The following RICTOR variants were observed in gnomAD, a reference collection of about 807,000 sequenced individuals.
RICTOR encodes the protein RPTOR independent companion of MTOR complex 2.
Under a neutral mutation model 214.9 loss-of-function variants are expected in RICTOR, and 49 were observed. That is an observed-to-expected ratio of 0.23 (90% CI 0.18 to 0.29). RICTOR has a LOEUF of 0.29. Among genes scored for constraint, RICTOR ranks in the 10% least tolerant of loss-of-function variants. RICTOR has a pLI of 1.00. For synonymous variants in RICTOR, 717 were observed against 711.3 expected, an observed-to-expected ratio of 1.01 and a Z score of -0.13; for missense variants, 1,625 against 2,047.0, an observed-to-expected ratio of 0.79 and a Z score of 3.98.
intron 3 of RICTOR, among the ~76,000 whole-genome samples, chr5:39,016,334 G>T (rs550923698): frequency 6.7e-6 from 1 of 148,516 alleles, no homozygotes; most frequent in South Asian, 2.2e-4. Flanking sequence ...AACAGAGAAG[G>T]GGGGAGAGGG....
chr5:38,958,667 C>G lies in RICTOR; in HGVS notation c.2343G>C (p.Lys781Asn). The G allele has an allele frequency of 6.3e-7, 1 of 1,592,736 alleles. No homozygotes were observed. Among genetic ancestry groups the G allele is most frequent in the Non-Finnish European group, 8.5e-7 (1 of 1,172,168 alleles). Residue 781 changes from lysine to asparagine, a missense_variant and splice_region_variant, in exon 23 of 38, where the codon AAG (lysine) becomes AAC (asparagine). Transcript: ENST00000357387. ...TAAATTATAAAAAATGAACCTTTAC[C>G]TTGTCTTCACATGCTTCATCGAGGA... ...LDILDEACEDKANLHALIQMK... is the reference protein window; with the variant it reads ...LDILDEACEDNANLHALIQMK...
Position 38,945,527 on chromosome 5 carries a change from G to A in RICTOR, c.4597C>T (p.Pro1533Ser), listed in dbSNP as rs1748094134. 6.2e-7 allele frequency: 1 copy of A among 1,613,882 alleles called. No individual in the cohort carries two copies. The highest frequency in any genetic ancestry group is 1.3e-5 in the African/African-American group (1 of 75,028). Residue 1533 changes from proline to serine, a missense_variant, in exon 34 of 38, where the codon CCC becomes TCC. Around this residue, in one of 5 missense-constraint regions of RICTOR, gnomAD observed 1,214 missense variants for 1,470.5 expected, o/e 0.83. Coordinates refer to ENST00000357387, the MANE Select transcript of RICTOR (RefSeq NM_152756.5). ...CATATTGCACTCAGTTGGTTGCTGGGCTGGAAACCCAGAATTTCAATACAG... is the reference window on the plus strand; with the variant it reads ...CATATTGCACTCAGTTGGTTGCTGGACTGGAAACCCAGAATTTCAATACAG... ...CVCIEILGFQPSNQLSAICSH... is the reference protein window; with the variant it reads ...CVCIEILGFQSSNQLSAICSH...
chr5:38,951,895 C>A (rs1748816317), intron 30 of RICTOR, among the ~76,000 whole-genome samples: 1 of 151,810 alleles, frequency 6.6e-6, no homozygotes, highest in South Asian at 2.1e-4. Flanking sequence ...CAAATAAATA[C>A]TTGTTATATT....
intron 2 of RICTOR, among the ~76,000 whole-genome samples, chr5:39,021,871 G>A (rs1012742148): frequency 3.3e-5 from 5 of 152,196 alleles, no homozygotes; most frequent in African/African-American, 7.2e-5. Context: ...TGGCTACAGT[G>A]TAGTAAAAGG....
At chr5:38,954,007 T>C (rs1216682761) in intron 27 of RICTOR, among the ~76,000 whole-genome samples, 1 of 151,874 alleles carries the variant, frequency 6.6e-6, no homozygotes, top group Non-Finnish European at 1.5e-5. Flanking sequence ...AAATTTTTAG[T>C]GAAATTTTCA....
In RICTOR at chr5:38,940,244, G is replaced by C. The variant is rs147795288; in HGVS notation, c.*2060C>G. The C allele has an allele frequency of 4.4e-6, 1 of 225,028 alleles. No individual in the cohort carries two copies. The highest frequency in any genetic ancestry group is 8.8e-6 in the Non-Finnish European group (1 of 113,472). The allele number at this position is 225,028 out of a possible 1,614,324, so 13.9% of individuals were successfully genotyped here. A position where few individuals can be genotyped will look rare whatever the true frequency, so the allele number is the denominator to read the frequency against. On this transcript the variant is annotated 3_prime_UTR_variant, in exon 38 of 38. Transcript: ENST00000357387. The stretch of plus-strand genomic sequence containing the variant: ...CAGGGATAGTGATGGTGGGGGAGGG[G>C]GTGTGTGTGTGTGTAAGACAAAAAA...
rs1340581757 is a variant in RICTOR, at chr5:38,967,932, TCA to T, written c.1060+9_1060+10del. On this transcript the variant is annotated intron_variant, in intron 12 of 37. Coordinates refer to ENST00000357387, the MANE Select transcript of RICTOR (RefSeq NM_152756.5). ...ATATATGAAAAGATACAAATGTACT[TCA>T]ATACTTACCTACACTGAGTAGTGCT... 1 of 1,384,626 alleles carries T rather than the reference TCA, an allele frequency of 7.2e-7. No individual in the cohort carries two copies. The highest frequency in any genetic ancestry group is 1.7e-5 in the Admixed American group (1 of 57,334). The allele number at this position is 1,384,626 out of a possible 1,614,324, so 85.8% of individuals were successfully genotyped here. A position where few individuals can be genotyped will look rare whatever the true frequency, so the allele number is the denominator to read the frequency against.
At chr5:39,023,714 C>T (rs959562608) in intron 2 of RICTOR, among the ~76,000 whole-genome samples, 12 of 152,218 alleles carry the variant, frequency 7.9e-5, no homozygotes, top group Non-Finnish European at 1.5e-4. Flanking sequence ...TTTTCCTCAT[C>T]AAATGAAACG....
chr5:38,996,280 T>C (rs755003469), intron 6 of RICTOR, among the ~76,000 whole-genome samples: 4 of 152,202 alleles, frequency 2.6e-5, no homozygotes, highest in Non-Finnish European at 4.4e-5. Context: ...AAGCATTCCC[T>C]GAAGGCCTCT....
intron 32 of RICTOR, 124 bp from the exon 33 acceptor site, chr5:38,946,676 G>A: frequency 1.6e-6 from 1 of 616,424 alleles, no homozygotes; most frequent in Non-Finnish European, 2.9e-6. Flanking sequence ...CTATAATCAA[G>A]TTTACTGAAG....
chr5:39,025,654 G>A (rs115941193), intron 2 of RICTOR, among the ~76,000 whole-genome samples: 6,110 of 152,148 alleles, frequency 0.04, 311 homozygotes, highest in East Asian at 0.27. Context: ...CTTTCAGGTC[G>A]CAGACTGCCA....
chr5:39,038,558 T>C lies in RICTOR; in HGVS notation c.98-17422A>G, dbSNP rs189582312. ...CCTGTTTGCAGATGATATGATTGTA[T>C]ATTTAGAAAACCCCATTGTCTCAGC... On this transcript the variant is annotated intron_variant, in intron 2 of 37. Coordinates refer to ENST00000357387, the MANE Select transcript of RICTOR (RefSeq NM_152756.5). Among the ~76,000 whole-genome samples the C allele has an allele frequency of 5.0e-3, 769 of 152,322 alleles. 6 individuals carry two copies. Among genetic ancestry groups the C allele is most frequent in the African/African-American group, 0.018 (735 of 41,574 alleles).
intron 37 of RICTOR, 126 bp downstream of exon 37, chr5:38,942,707 T>C (rs746910089): frequency 9.5e-6 from 7 of 738,074 alleles, no homozygotes; most frequent in Non-Finnish European, 1.4e-5. Flanking sequence ...TCTCCCGCGC[T>C]GACCCCACAA....
At position 38,953,470 on chromosome 5, in the gene RICTOR, A is replaced by G. The variant is rs773948012; in HGVS notation, c.2781T>C (p.Leu927=). The G allele has an allele frequency of 1.4e-6, 2 of 1,455,352 alleles. No homozygotes were observed. Among genetic ancestry groups the G allele is most frequent in the Non-Finnish European group, 1.8e-6 (2 of 1,083,012 alleles). 90.2% of individuals were successfully genotyped at this position (1,455,352 alleles called of 1,614,324 possible). The part of the protein sequence containing the change: ...WEEIKKLKAS[L]WALGNIGSSN... The stretch of plus-strand genomic sequence containing the variant: ...AGTGTTTATTACAAACCAAGGCCCA[A>G]AGAGATGCTTTCAGTTTTTTAATTT... The change falls in exon 28 of 38, where the codon CTT becomes CTC. Residue 927 remains leucine, a synonymous_variant. Transcript: ENST00000357387.
chr5:39,034,747 A>G (rs1202885181), intron 2 of RICTOR, among the ~76,000 whole-genome samples: 3 of 151,874 alleles, frequency 2.0e-5, no homozygotes, highest in Non-Finnish European at 2.9e-5. Flanking sequence ...TCAAACTGCA[A>G]GGCAGCAGCG....
At chr5:39,012,103 C>G (rs1754568164) in intron 3 of RICTOR, among the ~76,000 whole-genome samples, 2 of 152,178 alleles carry the variant, frequency 1.3e-5, no homozygotes, top group African/African-American at 4.8e-5. Context: ...CGTGAAAATA[C>G]TTGAATCATG....
At chr5:39,049,136 G>C (rs910235567) in intron 2 of RICTOR, among the ~76,000 whole-genome samples, 1 of 152,012 alleles carries the variant, frequency 6.6e-6, no homozygotes, top group Non-Finnish European at 1.5e-5. Context: ...CCAAGCAGCA[G>C]GCAGAAGCAA....
intron 5 of RICTOR, among the ~76,000 whole-genome samples, chr5:39,002,085 T>C (rs1163117648): frequency 6.9e-6 from 1 of 144,992 alleles, no homozygotes; most frequent in Non-Finnish European, 1.5e-5. Context: ...TTATTCCAAA[T>C]AGTCAAACAC....
chr5:38,953,125 AG>A (rs754606278), intron 28 of RICTOR, 34 bp from the exon 29 acceptor site: 1 of 1,374,808 alleles, frequency 7.3e-7, no homozygotes, highest in South Asian at 1.2e-5. Flanking sequence ...ATCAAATATA[AG>A]AGTCACTCTT....
Sources: gnomAD v4.1 joint callset for allele counts (sites outside exome capture counted in the v4.1 genomes callset) on GRCh38, gnomAD v4.1.1 for gene constraint, gnomAD v4.1.1 regional missense constraint, MANE v1.5 for transcripts, NCBI Gene and HGNC (gene_info 2026-07-23, HGNC 2026-07-21) for gene names.